The following FRMD5 variants were observed in gnomAD, a reference collection of about 807,000 sequenced individuals.
FRMD5 encodes the protein FERM domain-containing protein 5.
FRMD5 carries 20 observed loss-of-function variants against 69.0 expected under a neutral mutation model. That is an observed-to-expected ratio of 0.29 (90% confidence interval 0.20 to 0.42). The LOEUF (loss-of-function observed/expected upper bound fraction) is 0.42, where lower values mean the gene tolerates loss of function less well. Among genes scored for constraint, FRMD5 ranks in the 10% least tolerant of loss-of-function variants. FRMD5 has a pLI of 1.00. For synonymous variants in FRMD5, 271 were observed against 260.1 expected, an observed-to-expected ratio of 1.04 and a Z score of -0.40; for missense variants, 595 against 708.6, an observed-to-expected ratio of 0.84 and a Z score of 1.82.
At chr15:43,930,802 G>A (rs1321342605) in intron 1 of FRMD5, among the ~76,000 whole-genome samples, 1 of 152,220 alleles carries the variant, frequency 6.6e-6, no homozygotes, top group Admixed American at 6.5e-5. Flanking sequence ...TGACACGCAG[G>A]ATGTGCACGT....
chr15:43,885,116 A>G lies in FRMD5; in HGVS notation c.960-321T>C, dbSNP rs1399909314. Reference sequence around the variant, plus strand: ...AAGAACAACCTTTAGACAGTGAGACATGAATCACTGTTATAGTTCTTATTT... The same window carrying G: ...AAGAACAACCTTTAGACAGTGAGACGTGAATCACTGTTATAGTTCTTATTT... On this transcript the variant is annotated intron_variant, in intron 11 of 13. Transcript: ENST00000417257. 6 of 286,294 alleles carry G rather than the reference A, an allele frequency of 2.1e-5. No homozygotes were observed. In the East Asian group the frequency reaches 3.3e-4, roughly 16 times the overall value. 17.7% of individuals were successfully genotyped at this position (286,294 alleles called of 1,614,324 possible). A position where few individuals can be genotyped will look rare whatever the true frequency, so the allele number is the denominator to read the frequency against.
intron 3 of FRMD5, 31 bp from the exon 4 acceptor site, chr15:43,919,568 A>C: frequency 6.2e-7 from 1 of 1,605,484 alleles, no homozygotes; most frequent in Non-Finnish European, 8.5e-7. Context: ...TCATCAGGGA[A>C]GACTCTCACC....
chr15:44,023,389 A>G (rs1011816555), intron 1 of FRMD5, among the ~76,000 whole-genome samples: 1 of 152,244 alleles, frequency 6.6e-6, no homozygotes, highest in Non-Finnish European at 1.5e-5. Context: ...ACATGTACAA[A>G]GGCTCAGAGG....
intron 1 of FRMD5, among the ~76,000 whole-genome samples, chr15:44,168,502 G>A (rs2077746922): frequency 6.6e-6 from 1 of 152,122 alleles, no homozygotes. Context: ...GTGTGTCATA[G>A]CCAATTTTAT....
rs866334460 is a variant in FRMD5 at position 43,875,361 on chromosome 15, A to T, written c.1136-899T>A. On this transcript the variant is annotated intron_variant, in intron 13 of 13. Coordinates refer to ENST00000417257, the MANE Select transcript of FRMD5 (RefSeq NM_032892.5). ...GAAAGACTGTCTCAAAAAAAAAAAA[A>T]AAATATATATATATATATATATATA... is the stretch of plus-strand genomic sequence containing the variant. Among the ~76,000 whole-genome samples, 488 of 104,138 alleles carry T rather than the reference A, an allele frequency of 4.7e-3. 2 individuals are homozygous for T. The highest frequency in any genetic ancestry group is 0.017 in the African/African-American group (454 of 27,478). 68.3% of individuals were successfully genotyped at this position (104,138 alleles called of 152,430 possible). A position where few individuals can be genotyped will look rare whatever the true frequency, so the allele number is the denominator to read the frequency against.
chr15:44,045,791 T>C (rs976373096), intron 1 of FRMD5, among the ~76,000 whole-genome samples: 1 of 152,166 alleles, frequency 6.6e-6, no homozygotes, highest in Non-Finnish European at 1.5e-5. Context: ...GTGAATACAA[T>C]GCTGTTGTAT....
intron 5 of FRMD5, among the ~76,000 whole-genome samples, chr15:43,908,903 C>T (rs1459848314): frequency 6.6e-6 from 1 of 152,170 alleles, no homozygotes. Context: ...TGCTTCATAT[C>T]TTGGAGATTT....
At chr15:44,102,754 T>C (rs577312001) in intron 1 of FRMD5, among the ~76,000 whole-genome samples, 99 of 152,192 alleles carry the variant, frequency 6.5e-4, no homozygotes, top group African/African-American at 2.2e-3. Context: ...ATGGTCAGAG[T>C]TGGACCTAAG....
chr15:44,073,655 A>C (rs540556221), intron 1 of FRMD5, among the ~76,000 whole-genome samples: 2 of 152,272 alleles, frequency 1.3e-5, no homozygotes, highest in East Asian at 3.9e-4. Context: ...CCCACTGCCC[A>C]CAAGGGTCAC....
chr15:43,886,976 TCTA>T (rs1254332000), intron 10 of FRMD5, among the ~76,000 whole-genome samples: 3 of 152,114 alleles, frequency 2.0e-5, no homozygotes, highest in Non-Finnish European at 4.4e-5. Flanking sequence ...GGTAGGGAGA[TCTA>T]CTCGTGGGAA....
intron 1 of FRMD5, among the ~76,000 whole-genome samples, chr15:44,055,852 G>A (rs74009168): frequency 0.011 from 1,602 of 152,104 alleles, 35 homozygotes; most frequent in African/African-American, 0.037. Context: ...TATTTCTAAG[G>A]CCTCCTCCAG....
chr15:44,152,040 T>A lies in FRMD5; in HGVS notation c.102+42913A>T, dbSNP rs184731614. ...GCCTGGCCAACATGGTAAAATCCCCTCTCTACTAAAAATACAAAAATTAGC... is the reference window on the plus strand; with the variant it reads ...GCCTGGCCAACATGGTAAAATCCCCACTCTACTAAAAATACAAAAATTAGC... On this transcript the variant is annotated intron_variant, in intron 1 of 13. Coordinates refer to ENST00000417257, the MANE Select transcript of FRMD5 (RefSeq NM_032892.5). Among the ~76,000 whole-genome samples the A allele has an allele frequency of 2.0e-3, 300 of 152,208 alleles. 2 individuals are homozygous for A. The highest frequency in any genetic ancestry group is 1.6e-3 in the Non-Finnish European group (109 of 68,022).
chr15:44,049,658 T>G (rs950804376), intron 1 of FRMD5, among the ~76,000 whole-genome samples: 1 of 152,212 alleles, frequency 6.6e-6, no homozygotes, highest in East Asian at 1.9e-4. Flanking sequence ...TATCTTTCCT[T>G]GTCCTTTCTG....
intron 1 of FRMD5, among the ~76,000 whole-genome samples, chr15:43,944,216 G>C (rs1020679986): frequency 6.6e-6 from 1 of 152,232 alleles, no homozygotes; most frequent in Non-Finnish European, 1.5e-5. Context: ...GAACTCTATA[G>C]AGTCCTGAAG....
intron 7 of FRMD5, among the ~76,000 whole-genome samples, chr15:43,899,249 C>T (rs1265236147): frequency 6.6e-6 from 1 of 152,150 alleles, no homozygotes; most frequent in Non-Finnish European, 1.5e-5. Flanking sequence ...AAACTGTTCT[C>T]TTTGCTGGGA....
At position 44,120,760 on chromosome 15, in the gene FRMD5, C is replaced by G. The variant is rs1421949337; in HGVS notation, c.102+74193G>C. ...AGCCAGGATGGTCTTGATCTCCTGA[C>G]CTCGTGATCCGCCCGTCTCAGCCTC... On this transcript the variant is annotated intron_variant, in intron 1 of 13. Transcript: ENST00000417257. Among the ~76,000 whole-genome samples, 3 of 151,692 alleles carry G rather than the reference C, an allele frequency of 2.0e-5. No homozygotes were observed. The East Asian group carries it at 5.8e-4, about 29-fold the overall frequency.
intron 1 of FRMD5, among the ~76,000 whole-genome samples, chr15:44,192,241 T>G (rs2078209495): frequency 2.0e-5 from 3 of 152,132 alleles, no homozygotes; most frequent in African/African-American, 7.2e-5. Context: ...AATGCTGCAT[T>G]ATGAAAGGAT....
At chr15:43,900,679 A>G (rs1007544060) in intron 7 of FRMD5, among the ~76,000 whole-genome samples, 1 of 148,348 alleles carries the variant, frequency 6.7e-6, no homozygotes, top group Non-Finnish European at 1.5e-5. Flanking sequence ...GTGCAATGGC[A>G]TGATCTCAGC....
At chr15:44,054,777 A>T (rs951586989) in intron 1 of FRMD5, among the ~76,000 whole-genome samples, 1 of 152,252 alleles carries the variant, frequency 6.6e-6, no homozygotes, top group East Asian at 1.9e-4. Context: ...TCTGCTTCCA[A>T]AAGAGTGGAG....
Sources: gnomAD v4.1 joint callset for allele counts (sites outside exome capture counted in the v4.1 genomes callset) on GRCh38, gnomAD v4.1.1 for gene constraint, MANE v1.5 for transcripts, NCBI Gene and HGNC (gene_info 2026-07-23, HGNC 2026-07-21) for gene names.